The following SRSF10 variants were observed in gnomAD, a reference collection of about 807,000 sequenced individuals.
SRSF10 encodes the protein serine/arginine-rich splicing factor 10.
In SRSF10, 9 loss-of-function variants were observed where a neutral mutation model predicts 32.6. The observed-to-expected ratio is 0.28, with a 90% CI of 0.17 to 0.48. The LOEUF is 0.48. Among genes scored for constraint, SRSF10 ranks in the 20% least tolerant of loss-of-function variants. The pLI, the probability that SRSF10 is intolerant of heterozygous loss-of-function variation, is 0.99. For missense variants in SRSF10, 201 were observed against 331.8 expected (o/e 0.61, Z 3.06); for synonymous variants, 105 against 112.4 (o/e 0.93, Z 0.42).
chr1:23,971,710 T>C, intron 4 of SRSF10, 84 bp from the exon 5 acceptor site: 5 of 1,531,322 alleles, frequency 3.3e-6, no homozygotes, highest in Non-Finnish European at 3.6e-6. Flanking sequence ...ATAAAACTTT[T>C]AAAATAAAAT....
At position 23,967,850 on chromosome 1, in the gene SRSF10, G is replaced by C; in HGVS notation, c.*3292C>G. The C allele has an allele frequency of 6.4e-7, 1 of 1,552,456 alleles. No individual in the cohort carries two copies. Among genetic ancestry groups the C allele is most frequent in the African/African-American group, 1.4e-5 (1 of 72,646 alleles). The stretch of plus-strand genomic sequence containing the variant: ...AAATTTTCAAGAGAATAATACAATA[G>C]TTCCCAGGTCTTTCCCCTGGGATGT... On this transcript the variant is annotated 3_prime_UTR_variant, in exon 6 of 6. Transcript: ENST00000492112.
chr1:23,979,942 G>T (rs1294086483), intron 1 of SRSF10, among the ~76,000 whole-genome samples: 1 of 151,988 alleles, frequency 6.6e-6, no homozygotes, highest in African/African-American at 2.4e-5. Context: ...GGAGAAAGGG[G>T]CTGCAAACTG....
intron 2 of SRSF10, 24 bp from the exon 3 acceptor site, chr1:23,975,101 GAAGTTT>G: frequency 6.2e-7 from 1 of 1,601,230 alleles, no homozygotes. Context: ...AGGGGCTTGG[GAAGTTT>G]TGCAAACTTT....
intron 2 of SRSF10, chr1:23,977,451 G>C (rs1642160383): frequency 6.6e-6 from 1 of 152,212 alleles, no homozygotes; most frequent in Non-Finnish European, 1.5e-5. Flanking sequence ...AGTCTTCACA[G>C]GGCTAAGTTA....
intron 3 of SRSF10, 63 bp from the exon 4 acceptor site, chr1:23,972,075 A>G: frequency 7.3e-7 from 1 of 1,361,234 alleles, no homozygotes; most frequent in South Asian, 1.8e-5. Flanking sequence ...GCCCTCAATA[A>G]ATAGGGAAAA....
chr1:23,975,991 C>T (rs2148509045), intron 2 of SRSF10: 1 of 152,324 alleles, frequency 6.6e-6, no homozygotes, highest in East Asian at 1.9e-4. Flanking sequence ...ACGAGAACTG[C>T]TGGCTTTATA....
rs4276860 is a variant in SRSF10 at position 23,967,759 on chromosome 1, C to T, written c.*3383G>A. 1 allele frequency: 1,606,130 copies of T among 1,610,214 alleles called. 801,074 individuals carry two copies. Among genetic ancestry groups the T allele is most frequent in the East Asian group, 1 (44,788 of 44,788 alleles). On this transcript the variant is annotated 3_prime_UTR_variant, in exon 6 of 6. Coordinates refer to ENST00000492112, the MANE Select transcript of SRSF10 (RefSeq NM_054016.4). ...AGAAGGATGTTTGTCAGTTTGGTTT[C>T]CTTTATTCTTCTCTGTGGTATACAG...
At chr1:23,979,967 G>A (rs965691584) in intron 1 of SRSF10, among the ~76,000 whole-genome samples, 2 of 152,124 alleles carry the variant, frequency 1.3e-5, no homozygotes, top group Non-Finnish European at 2.9e-5. Context: ...GGGGGAGGGG[G>A]ACCGAAAAAC....
At position 23,972,748 on chromosome 1, in the gene SRSF10, C is replaced by CTT. The variant is rs34424976; in HGVS notation, c.275-738_275-737dup. 5.6e-3 allele frequency among the ~76,000 whole-genome samples: 823 copies of CTT among 146,494 alleles called. 5 individuals carry two copies. The highest frequency in any genetic ancestry group is 0.019 in the African/African-American group (746 of 39,862). ...TGAGCCACCGCACCCAGCCTGGAGT[C>CTT]TTTTTTTTTTGAGACGGAGTTTTGC... On this transcript the variant is annotated intron_variant, in intron 3 of 5. Coordinates refer to ENST00000492112, the MANE Select transcript of SRSF10 (RefSeq NM_054016.4).
chr1:23,969,157 T>A lies in SRSF10; in HGVS notation c.*1985A>T, dbSNP rs1312920512. ...GAAAATAAGCTGGGTCTTGTTTTGA[T>A]CCAAACATTGATGTTTTAAAGGTTG... is the stretch of plus-strand genomic sequence containing the variant. On this transcript the variant is annotated 3_prime_UTR_variant, in exon 6 of 6. Transcript: ENST00000492112. The A allele has an allele frequency of 2.0e-6, 2 of 985,492 alleles. No homozygotes were observed. Among genetic ancestry groups the A allele is most frequent in the Non-Finnish European group, 1.2e-6 (1 of 829,702 alleles). The allele number at this position is 985,492 out of a possible 1,614,324, so 61.0% of individuals were successfully genotyped here. A position where few individuals can be genotyped will look rare whatever the true frequency, so the allele number is the denominator to read the frequency against.
Position 23,968,240 on chromosome 1 carries a change from A to G in SRSF10, c.*2902T>C, listed in dbSNP as rs1029953994. 5.9e-4 allele frequency among the ~76,000 whole-genome samples: 89 copies of G among 151,624 alleles called. No individual in the cohort carries two copies. The highest frequency in any genetic ancestry group is 2.2e-3 in the African/African-American group (88 of 40,916). On this transcript the variant is annotated 3_prime_UTR_variant, in exon 6 of 6. Transcript: ENST00000492112. The stretch of plus-strand genomic sequence containing the variant: ...AGGTGTGTCGCTTTAGGAACAACAT[A>G]TAAGATTCTCAATAGTCCAAGTCTA...
intron 5 of SRSF10, 42 bp downstream of exon 5, chr1:23,971,531 A>G: frequency 6.3e-7 from 1 of 1,596,248 alleles, no homozygotes; most frequent in Non-Finnish European, 8.5e-7. Flanking sequence ...TCACTCTGAA[A>G]TTAAAAAATA....
chr1:23,978,860 C>A (rs1642236371), intron 1 of SRSF10, 43 bp from the exon 2 acceptor site: 1 of 1,543,366 alleles, frequency 6.5e-7, no homozygotes, highest in Non-Finnish European at 8.8e-7. Context: ...TGTCCAAGTC[C>A]TTAAGATGTA....
chr1:23,970,580 C>T lies in SRSF10; in HGVS notation c.*562G>A, dbSNP rs1469358117. 8.1e-5 allele frequency: 61 copies of T among 749,138 alleles called. No homozygotes were observed. Among genetic ancestry groups the T allele is most frequent in the African/African-American group, 1.9e-4 (10 of 52,386 alleles). 46.4% of individuals were successfully genotyped at this position (749,138 alleles called of 1,614,324 possible). A position where few individuals can be genotyped will look rare whatever the true frequency, so the allele number is the denominator to read the frequency against. ...TTCACCGTGTTGGTCAGGCTGGTCT[C>T]GAACTCCTGACCTCGTGATCCGCCC... On this transcript the variant is annotated 3_prime_UTR_variant, in exon 6 of 6. Coordinates refer to ENST00000492112, the MANE Select transcript of SRSF10 (RefSeq NM_054016.4).
chr1:23,964,527 G>C lies in SRSF10; in HGVS notation c.*6615C>G, dbSNP rs920819454. 5.9e-5 allele frequency among the ~76,000 whole-genome samples: 9 copies of C among 151,834 alleles called. No homozygotes were observed. The highest frequency in any genetic ancestry group is 6.6e-5 in the Admixed American group (1 of 15,222). ...TGTAATTTCAATTTGTCTTCTTTTC[G>C]ATGGCAGTTATACTATGATGGAATC... On this transcript the variant is annotated 3_prime_UTR_variant, in exon 6 of 6. Transcript: ENST00000492112.
Position 23,970,232 on chromosome 1 carries a change from A to G in SRSF10, c.*910T>C. On this transcript the variant is annotated 3_prime_UTR_variant, in exon 6 of 6. Coordinates refer to ENST00000492112, the MANE Select transcript of SRSF10 (RefSeq NM_054016.4). ...CAAATCTTCATAGGAACCAGAAAAAAAGCAGTGAAGGCTCCATGTTTCAGT... is the reference window on the plus strand; with the variant it reads ...CAAATCTTCATAGGAACCAGAAAAAGAGCAGTGAAGGCTCCATGTTTCAGT... The G allele has an allele frequency of 2.0e-6, 2 of 985,390 alleles. No homozygotes were observed. The highest frequency in any genetic ancestry group is 4.7e-5 in the South Asian group (1 of 21,288). 61.0% of individuals were successfully genotyped at this position (985,390 alleles called of 1,614,324 possible). A position where few individuals can be genotyped will look rare whatever the true frequency, so the allele number is the denominator to read the frequency against.
At position 23,980,172 on chromosome 1, in the gene SRSF10, G is replaced by A; in HGVS notation, c.65+19C>T. On this transcript the variant is annotated intron_variant, in intron 1 of 5. Coordinates refer to ENST00000492112, the MANE Select transcript of SRSF10 (RefSeq NM_054016.4). ...TGCGGCCTCCCCGCCTAGGCCCGGA[G>A]TACCTGCCTTGTACCTACCTGGTGT... 1.3e-6 allele frequency: 2 copies of A among 1,533,032 alleles called. No homozygotes were observed. The highest frequency in any genetic ancestry group is 1.8e-6 in the Non-Finnish European group (2 of 1,139,140). 95.0% of individuals were successfully genotyped at this position (1,533,032 alleles called of 1,614,324 possible).
At chr1:23,972,809 T>G (rs1246253486) in intron 3 of SRSF10, among the ~76,000 whole-genome samples, 1 of 148,924 alleles carries the variant, frequency 6.7e-6, no homozygotes, top group Non-Finnish European at 1.5e-5. Context: ...TGGCGCAATC[T>G]CGGCTCACCA....
Position 23,966,074 on chromosome 1 carries a change from C to CTTTA in SRSF10, c.*5067_*5068insTAAA, listed in dbSNP as rs1641435472. 1 of 151,832 alleles carries CTTTA rather than the reference C, an allele frequency of 6.6e-6. No homozygotes were observed. The highest frequency in any genetic ancestry group is 1.5e-5 in the Non-Finnish European group (1 of 67,822). 9.4% of individuals were successfully genotyped at this position (151,832 alleles called of 1,614,324 possible). On this transcript the variant is annotated 3_prime_UTR_variant, in exon 6 of 6. Transcript: ENST00000492112. Reference sequence around the variant, plus strand: ...TGTTACTATCTCCATGAAAATAAAGCTATAAAAACACTTCCCCATTGGATT... The same window carrying CTTTA: ...TGTTACTATCTCCATGAAAATAAAGCTTTATATAAAAACACTTCCCCATTGGATT...
Sources: allele counts gnomAD v4.1 joint callset (sites outside exome capture counted in the v4.1 genomes callset), GRCh38; gene constraint gnomAD v4.1.1; transcripts MANE v1.5; gene names NCBI Gene and HGNC (gene_info 2026-07-23, HGNC 2026-07-21).